KIF17: variants seen among roughly 807,000 people sequenced by gnomAD.
The protein encoded by KIF17 is kinesin family member 17, also known as kinesin-like protein KIF17.
KIF17 carries 80 observed loss-of-function variants against 96.8 expected under a neutral mutation model. The observed-to-expected ratio is 0.83, with a 90% CI of 0.69 to 1.00. The LOEUF is 1.00. Among genes scored for constraint, KIF17 ranks in the 50% least tolerant of loss-of-function variants. The probability of loss-of-function intolerance (pLI) is 0.00; values close to 1 mark genes in which losing one functional copy is unlikely to be tolerated. For missense variants in KIF17, 1,280 were observed against 1,372.9 expected (o/e 0.93, Z 1.07); for synonymous variants, 567 against 587.5 (o/e 0.97, Z 0.51).
At chr1:20,715,972 C>G (rs184874422) in intron 1 of KIF17, among the ~76,000 whole-genome samples, 2 of 152,270 alleles carry the variant, frequency 1.3e-5, no homozygotes, top group East Asian at 1.9e-4. Context: ...TTGGGCCAGG[C>G]GGGGTGGCTC....
chr1:20,713,871 C>G (rs534043478), intron 2 of KIF17, among the ~76,000 whole-genome samples: 11 of 152,098 alleles, frequency 7.2e-5, no homozygotes, highest in Non-Finnish European at 1.5e-4. Context: ...AAAACAAAAA[C>G]AAACAAAAAA....
chr1:20,717,755 G>A lies in KIF17; in HGVS notation c.-49C>T, dbSNP rs747474534. On this transcript the variant is annotated 5_prime_UTR_variant, in exon 1 of 15. Transcript: ENST00000400463. ...GACCAGAGCTGACCCCCGCCCCGCC[G>A]GGGACTCCCAGCAGCCCGGGCCAAG... 2.5e-5 allele frequency: 37 copies of A among 1,501,012 alleles called. No individual in the cohort carries two copies. The highest frequency in any genetic ancestry group is 3.7e-5 in the South Asian group (3 of 80,546). The allele number at this position is 1,501,012 out of a possible 1,614,324, so 93.0% of individuals were successfully genotyped here.
chr1:20,704,402 T>A lies in KIF17; in HGVS notation c.1123+45A>T. ...AGAAGACAGAGGGAAGGAAGCTTTC[T>A]CCTGGGGACCTGGCCCTCCCGCCAC... is the stretch of plus-strand genomic sequence containing the variant. On this transcript the variant is annotated intron_variant, in intron 5 of 14. Transcript: ENST00000400463. The surrounding 1 kb of genome is among the most constrained non-coding windows in gnomAD (Gnocchi z 6.8). 1 of 1,510,418 alleles carries A rather than the reference T, an allele frequency of 6.6e-7. No homozygotes were observed. The highest frequency in any genetic ancestry group is 9.1e-7 in the Non-Finnish European group (1 of 1,097,028). The allele number at this position is 1,510,418 out of a possible 1,614,324, so 93.6% of individuals were successfully genotyped here. A position where few individuals can be genotyped will look rare whatever the true frequency, so the allele number is the denominator to read the frequency against.
At chr1:20,694,831 C>T (rs1263450324) in intron 6 of KIF17, among the ~76,000 whole-genome samples, 1 of 152,168 alleles carries the variant, frequency 6.6e-6, no homozygotes, top group Non-Finnish European at 1.5e-5. Flanking sequence ...CTCCACTGCC[C>T]CCTGCTCTCA....
intron 11 of KIF17, among the ~76,000 whole-genome samples, chr1:20,676,120 C>T (rs10916848): frequency 0.5 from 76,045 of 151,938 alleles, 20,279 homozygotes; most frequent in Non-Finnish European, 0.61. Context: ...TTAATTTACT[C>T]TTTTTTCTCT....
At chr1:20,669,588 T>TA (rs990047518) in intron 13 of KIF17, among the ~76,000 whole-genome samples, 136 of 138,678 alleles carry the variant, frequency 9.8e-4, no homozygotes, top group African/African-American at 3.5e-3. Context: ...TAAAATAAAA[T>TA]AGAGGCCGGG....
At chr1:20,712,901 C>A (rs781768897) in intron 3 of KIF17, among the ~76,000 whole-genome samples, 3,024 of 97,210 alleles carry the variant, frequency 0.031, 169 homozygotes, top group South Asian at 0.042. Flanking sequence ...ATAATATTAT[C>A]TATATTATAT....
At chr1:20,714,017 G>A (rs552804351) in intron 2 of KIF17, among the ~76,000 whole-genome samples, 9 of 152,042 alleles carry the variant, frequency 5.9e-5, no homozygotes, top group East Asian at 1.9e-4. Flanking sequence ...TGAAACCCCC[G>A]TCTCTACTAA....
At position 20,687,549 on chromosome 1, in the gene KIF17, G is replaced by A. The variant is rs1373183872; in HGVS notation, c.1777C>T (p.Gln593Ter). Residue 593 changes from glutamine to a stop codon, truncating the protein, a stop_gained, in exon 8 of 15, where the codon CAG becomes TAG. Transcript: ENST00000400463. LOFTEE classifies it high-confidence loss of function. The surrounding 1 kb of genome is among the most constrained non-coding windows in gnomAD (Gnocchi z 4.4). Reference sequence around the variant, plus strand: ...GGCTCCTCTTGCGGGAGGTAGTTCTGTTCCCCCAGCAGGTGCCCAGCGGCC... The same window carrying A: ...GGCTCCTCTTGCGGGAGGTAGTTCTATTCCCCCAGCAGGTGCCCAGCGGCC... ...QEAAGHLLGE[Q>*]NYLPQEEPQE... 1.9e-6 allele frequency: 3 copies of A among 1,613,678 alleles called. No homozygotes were observed. The African/African-American group carries it at 4.0e-5, about 22-fold the overall frequency.
intron 10 of KIF17, 79 bp from the exon 11 acceptor site, chr1:20,682,963 AT>A: frequency 7.8e-7 from 1 of 1,283,436 alleles, no homozygotes; most frequent in Non-Finnish European, 1.1e-6. Flanking sequence ...GCTCCAGGCT[AT>A]GCGTGGGCCC....
In KIF17 at chr1:20,700,139, C is replaced by T. The variant is rs183517346; in HGVS notation, c.1124-1651G>A. On this transcript the variant is annotated intron_variant, in intron 5 of 14. Coordinates refer to ENST00000400463, the MANE Select transcript of KIF17 (RefSeq NM_001122819.3). The surrounding 1 kb of genome is among the most constrained non-coding windows in gnomAD (Gnocchi z 4.6). ...TAGGCTAGATGCAATCGTGTGATCT[C>T]GGCTCACTGCAACCTCCCTCTCCCA... Among the ~76,000 whole-genome samples, 7 of 151,550 alleles carry T rather than the reference C, an allele frequency of 4.6e-5. No homozygotes were observed. Among genetic ancestry groups the T allele is most frequent in the East Asian group, 3.9e-4 (2 of 5,122 alleles).
chr1:20,664,298 T>C lies in KIF17; in HGVS notation c.*286A>G. ...AGGCAAAGACCAACACTGGTGGGCATGGGTGTGGGCTCTGTGGCAGGTGAG... is the reference window on the plus strand; with the variant it reads ...AGGCAAAGACCAACACTGGTGGGCACGGGTGTGGGCTCTGTGGCAGGTGAG... On this transcript the variant is annotated 3_prime_UTR_variant, in exon 15 of 15. Transcript: ENST00000400463. 1 of 1,323,838 alleles carries C rather than the reference T, an allele frequency of 7.6e-7. No homozygotes were observed. The highest frequency in any genetic ancestry group is 9.7e-7 in the Non-Finnish European group (1 of 1,026,360). 82.0% of individuals were successfully genotyped at this position (1,323,838 alleles called of 1,614,324 possible).
chr1:20,704,720 G>A lies in KIF17; in HGVS notation c.850C>T (p.His284Tyr), dbSNP rs755947089. The A allele has an allele frequency of 2.5e-6, 4 of 1,613,426 alleles. No homozygotes were observed. Among genetic ancestry groups the A allele is most frequent in the Non-Finnish European group, 3.4e-6 (4 of 1,179,598 alleles). ...ISALVDGRCKHVPYRDSKLTR... is the reference protein window; with the variant it reads ...ISALVDGRCKYVPYRDSKLTR... Reference sequence around the variant, plus strand: ...AGCTTCGAGTCACGGTAGGGGACGTGCTTACAGCGCCCGTCCACCAGCGCC... The same window carrying A: ...AGCTTCGAGTCACGGTAGGGGACGTACTTACAGCGCCCGTCCACCAGCGCC... Residue 284 changes from histidine to tyrosine, a missense_variant, in exon 5 of 15, where the codon CAC (histidine) becomes TAC (tyrosine). By Grantham distance (83) the His-to-Tyr change is moderately conservative. Coordinates refer to ENST00000400463, the MANE Select transcript of KIF17 (RefSeq NM_001122819.3). The surrounding 1 kb of genome is among the most constrained non-coding windows in gnomAD (Gnocchi z 6.8).
rs2154536838 is a variant in KIF17, at chr1:20,698,278, G to A, written c.1233+101C>T. On this transcript the variant is annotated intron_variant, in intron 6 of 14. Transcript: ENST00000400463. ...TTCTCAGGACCAAACCCACGGTGAA[G>A]GTACGGTGATATCGCGTTGGACCCC... 7.5e-6 allele frequency: 6 copies of A among 796,482 alleles called. No homozygotes were observed. In the South Asian group the frequency reaches 8.4e-5, roughly 11 times the overall value. 49.3% of individuals were successfully genotyped at this position (796,482 alleles called of 1,614,324 possible).
Position 20,699,703 on chromosome 1 carries a change from G to C in KIF17, c.1124-1215C>G, listed in dbSNP as rs1274126879. On this transcript the variant is annotated intron_variant, in intron 5 of 14. Coordinates refer to ENST00000400463, the MANE Select transcript of KIF17 (RefSeq NM_001122819.3). This position sits in a 1 kb window ranked among gnomAD's most constrained non-coding sequence, Gnocchi z 4.3. ...TAGACAGGGGGAGCTTGCTAGACAGGGGGAGCGGTGAGTGCGAGGGCCCTG... is the reference window on the plus strand; with the variant it reads ...TAGACAGGGGGAGCTTGCTAGACAGCGGGAGCGGTGAGTGCGAGGGCCCTG... Among the ~76,000 whole-genome samples the C allele has an allele frequency of 6.6e-6, 1 of 152,192 alleles. No homozygotes were observed. The highest frequency in any genetic ancestry group is 1.5e-5 in the Non-Finnish European group (1 of 68,036).
chr1:20,704,540 C>A lies in KIF17; in HGVS notation c.1030G>T (p.Asp344Tyr). The change falls in exon 5 of 15, where the codon GAC becomes TAC. Residue 344 changes from aspartate (D) to tyrosine (Y), a missense_variant. Physicochemically the swap from Asp to Tyr is radical, Grantham distance 160. Transcript: ENST00000400463. This position sits in a 1 kb window ranked among gnomAD's most constrained non-coding sequence, Gnocchi z 6.8. Reference sequence around the variant, plus strand: ...TCGCGAAGCAGCGCATCCTTGGGGTCCTCATTGATGCGCGGCTTGTTCCTG... The same window carrying A: ...TCGCGAAGCAGCGCATCCTTGGGGTACTCATTGATGCGCGGCTTGTTCCTG... ...NIRNKPRINE[D>Y]PKDALLREYQ... 1 of 1,614,214 alleles carries A rather than the reference C, an allele frequency of 6.2e-7. No homozygotes were observed. The highest frequency in any genetic ancestry group is 2.2e-5 in the East Asian group (1 of 44,872).
chr1:20,682,631 G>A (rs1302081535), intron 11 of KIF17, 22 bp downstream of exon 11: 2 of 1,607,198 alleles, frequency 1.2e-6, no homozygotes, highest in South Asian at 2.2e-5. Flanking sequence ...GCTGGGCATG[G>A]GGGGCTGCAT....
Position 20,666,211 on chromosome 1 carries a change from C to G in KIF17, c.2908+3G>C, listed in dbSNP as rs923639991. ...AGGGTGGGGACAGGGGAGGGACACT[C>G]ACTGAGGCTCTTCCTGGCGTCTGTG... On this transcript the variant is annotated splice_donor_region_variant and intron_variant, in intron 14 of 14. Transcript: ENST00000400463. 2 of 1,606,452 alleles carry G rather than the reference C, an allele frequency of 1.2e-6. No individual in the cohort carries two copies. The highest frequency in any genetic ancestry group is 2.7e-5 in the African/African-American group (2 of 74,878).
intron 6 of KIF17, among the ~76,000 whole-genome samples, chr1:20,691,558 A>C (rs1181461576): frequency 2.7e-5 from 4 of 150,026 alleles, no homozygotes; most frequent in African/African-American, 9.8e-5. Context: ...GGTTCAAGCG[A>C]TTCTCCTGCC....
Sources: allele counts gnomAD v4.1 joint callset (sites outside exome capture counted in the v4.1 genomes callset), GRCh38; gene constraint gnomAD v4.1.1; non-coding constraint Gnocchi (gnomAD v3.1); transcripts MANE v1.5; gene names NCBI Gene and HGNC (gene_info 2026-07-23, HGNC 2026-07-21).